RAPGEF6: variants seen among roughly 807,000 people sequenced by gnomAD.
RAPGEF6 encodes the protein PDZ domain containing guanine nucleotide exchange factor (GEF) 2.
Under a neutral mutation model 171.4 loss-of-function variants are expected in RAPGEF6, and 56 were observed. The observed-to-expected ratio is 0.33, with a 90% CI of 0.26 to 0.41. The LOEUF (loss-of-function observed/expected upper bound fraction) is 0.41, where lower values mean the gene tolerates loss of function less well. Among genes scored for constraint, RAPGEF6 ranks in the 10% least tolerant of loss-of-function variants. RAPGEF6 has a pLI of 1.00. For synonymous variants in RAPGEF6, 692 were observed against 650.1 expected, an observed-to-expected ratio of 1.06 and a Z score of -0.98; for missense variants, 1,674 against 1,921.4, an observed-to-expected ratio of 0.87 and a Z score of 2.41.
intron 1 of RAPGEF6, among the ~76,000 whole-genome samples, chr5:131,606,516 G>C (rs1007947549): frequency 2.6e-5 from 4 of 152,138 alleles, no homozygotes; most frequent in African/African-American, 9.7e-5. Context: ...ATAAAGATTT[G>C]AATAGGTTAA....
At chr5:131,552,721 A>G (rs544013693) in intron 5 of RAPGEF6, among the ~76,000 whole-genome samples, 1 of 152,242 alleles carries the variant, frequency 6.6e-6, no homozygotes, top group African/African-American at 2.4e-5. Flanking sequence ...TCAGCCTCTC[A>G]AAGTGCTCAC....
At chr5:131,521,753 A>T (rs1758493034) in intron 6 of RAPGEF6, among the ~76,000 whole-genome samples, 1 of 151,696 alleles carries the variant, frequency 6.6e-6, no homozygotes. Flanking sequence ...AGCCATTACT[A>T]ATGATATTTC....
chr5:131,605,458 G>A (rs898615492), intron 1 of RAPGEF6, among the ~76,000 whole-genome samples: 11 of 152,142 alleles, frequency 7.2e-5, no homozygotes, highest in African/African-American at 1.4e-4. Flanking sequence ...TAACCTGCAC[G>A]TTGTGCATAT....
chr5:131,493,353 C>T (rs533969289), intron 13 of RAPGEF6, among the ~76,000 whole-genome samples: 8 of 152,116 alleles, frequency 5.3e-5, no homozygotes, highest in Non-Finnish European at 8.8e-5. Flanking sequence ...CATGAGCCAC[C>T]GCGCCCGACC....
intron 7 of RAPGEF6, among the ~76,000 whole-genome samples, chr5:131,512,792 A>T (rs558062904): frequency 6.6e-6 from 1 of 152,272 alleles, no homozygotes; most frequent in African/African-American, 2.4e-5. Flanking sequence ...TGGGATTAGT[A>T]TATAAGAAGC....
chr5:131,507,712 T>C (rs529378009), intron 9 of RAPGEF6, among the ~76,000 whole-genome samples: 4 of 152,260 alleles, frequency 2.6e-5, no homozygotes, highest in African/African-American at 9.6e-5. Context: ...TTGATAAACA[T>C]TTTAAACAAT....
chr5:131,532,428 T>C (rs1260170259), intron 6 of RAPGEF6, among the ~76,000 whole-genome samples: 1 of 152,214 alleles, frequency 6.6e-6, no homozygotes, highest in Admixed American at 6.5e-5. Context: ...CTCAGGCACC[T>C]GGCACAGACA....
intron 17 of RAPGEF6, among the ~76,000 whole-genome samples, chr5:131,465,485 A>T (rs1310227682): frequency 3.9e-5 from 6 of 152,102 alleles, no homozygotes; most frequent in Admixed American, 3.3e-4. Context: ...TTTCCTTTTT[A>T]AAAAAATTAG....
At chr5:131,537,295 G>C (rs1485478750) in intron 6 of RAPGEF6, among the ~76,000 whole-genome samples, 1 of 152,182 alleles carries the variant, frequency 6.6e-6, no homozygotes, top group African/African-American at 2.4e-5. Flanking sequence ...CATTAAGGGA[G>C]GAAGAACTGC....
intron 1 of RAPGEF6, among the ~76,000 whole-genome samples, chr5:131,611,530 T>C (rs1429418966): frequency 6.6e-6 from 1 of 151,916 alleles, no homozygotes; most frequent in African/African-American, 2.4e-5. Flanking sequence ...AAATTAGCTA[T>C]GTGTGGTGGT....
intron 17 of RAPGEF6, among the ~76,000 whole-genome samples, chr5:131,466,095 CAAAA>C (rs769107975): frequency 1.4e-3 from 70 of 50,886 alleles, no homozygotes; most frequent in African/African-American, 3.8e-3. Context: ...GACTGAGGAC[CAAAA>C]AAAAAAAAAA....
At position 131,438,350 on chromosome 5, in the gene RAPGEF6, G is replaced by T. The variant is rs546392872; in HGVS notation, c.3745+1231C>A. ...AGGACAGAATCACGGTTCAAACTCAGGTCTGACATCACTGTACATAATTGC... is the reference window on the plus strand; with the variant it reads ...AGGACAGAATCACGGTTCAAACTCATGTCTGACATCACTGTACATAATTGC... On this transcript the variant is annotated intron_variant, in intron 24 of 27. Transcript: ENST00000509018. 3.2e-4 allele frequency among the ~76,000 whole-genome samples: 48 copies of T among 152,254 alleles called. No individual in the cohort carries two copies. In the South Asian group the frequency reaches 9.7e-3, roughly 31 times the overall value.
intron 6 of RAPGEF6, among the ~76,000 whole-genome samples, chr5:131,534,696 T>C (rs905551558): frequency 6.6e-6 from 1 of 151,650 alleles, no homozygotes; most frequent in African/African-American, 2.4e-5. Flanking sequence ...TAAAATCTAA[T>C]GTTAATCATT....
chr5:131,615,781 AG>A (rs982675462), intron 1 of RAPGEF6, among the ~76,000 whole-genome samples: 4 of 152,164 alleles, frequency 2.6e-5, no homozygotes, highest in African/African-American at 9.7e-5. Context: ...GCACACCTGT[AG>A]TCCCAGCTAC....
chr5:131,599,155 T>C (rs1764077650), intron 3 of RAPGEF6, among the ~76,000 whole-genome samples: 1 of 151,978 alleles, frequency 6.6e-6, no homozygotes, highest in Non-Finnish European at 1.5e-5. Context: ...TACTAAATCC[T>C]GTCTCTACTA....
intron 1 of RAPGEF6, among the ~76,000 whole-genome samples, chr5:131,612,247 C>T (rs1043475999): frequency 1.8e-5 from 2 of 111,532 alleles, no homozygotes; most frequent in African/African-American, 6.8e-5. Context: ...GCCTGGGAAA[C>T]GATAATTTGA....
At chr5:131,483,664 G>C (rs748901615) in intron 15 of RAPGEF6, among the ~76,000 whole-genome samples, 6 of 152,048 alleles carry the variant, frequency 3.9e-5, no homozygotes, top group Non-Finnish European at 8.8e-5. Flanking sequence ...CGAAACAAAA[G>C]TCAAAACACA....
At chr5:131,580,616 A>C (rs1457243227) in intron 4 of RAPGEF6, among the ~76,000 whole-genome samples, 1 of 152,202 alleles carries the variant, frequency 6.6e-6, no homozygotes, top group African/African-American at 2.4e-5. Flanking sequence ...ATTCATAGAC[A>C]CTATGTGTTT....
intron 15 of RAPGEF6, among the ~76,000 whole-genome samples, chr5:131,484,095 CA>C (rs757936744): frequency 8.5e-3 from 358 of 42,080 alleles, no homozygotes; most frequent in African/African-American, 0.014. Flanking sequence ...GACTCCATCT[CA>C]AAAAAAAAAA....
Sources: gnomAD v4.1 joint callset for allele counts (sites outside exome capture counted in the v4.1 genomes callset) on GRCh38, gnomAD v4.1.1 for gene constraint, MANE v1.5 for transcripts, NCBI Gene and HGNC (gene_info 2026-07-23, HGNC 2026-07-21) for gene names.